S1PR3: variants seen among roughly 807,000 people sequenced by gnomAD.
S1PR3 encodes the protein sphingosine 1-phosphate receptor 3.
A neutral mutation model predicts 13.3 loss-of-function variants in S1PR3; 12 were observed. The ratio of observed to expected loss-of-function variants is 0.90; its 90% CI spans 0.58 to 1.46. The LOEUF (loss-of-function observed/expected upper bound fraction) is 1.46. Ranked by LOEUF, S1PR3 falls within the 40% of genes most tolerant of loss-of-function variation. The pLI is 0.00. For synonymous variants in S1PR3, 232 were observed against 214.0 expected, an observed-to-expected ratio of 1.08 and a Z score of -0.73; for missense variants, 450 against 501.9, an observed-to-expected ratio of 0.90 and a Z score of 0.99.
chr9:89,001,654 C>A lies in S1PR3; in HGVS notation c.454C>A (p.His152Asn), dbSNP rs1327902193. The change falls in exon 2 of 2, where the codon CAC (histidine) becomes AAC (asparagine). Residue 152 changes from histidine (H) to asparagine (N), a missense_variant. His to Asn is a moderately conservative substitution (Grantham distance 68). Coordinates refer to ENST00000358157, the MANE Select transcript of S1PR3 (RefSeq NM_005226.4). ...KMRPYDANKR[H>N]RVFLLIGMCW... ...GAGGCCTTACGACGCCAACAAGAGG[C>A]ACCGCGTCTTCCTCCTGATCGGGAT... 1.2e-6 allele frequency: 2 copies of A among 1,614,232 alleles called. No homozygotes were observed. The highest frequency in any genetic ancestry group is 1.7e-5 in the Admixed American group (1 of 60,032).
At chr9:88,990,949 G>A (rs367687242), upstream of S1PR3, 1 of 1,606,460 alleles carries the variant, frequency 6.2e-7, no homozygotes, top group Non-Finnish European at 8.5e-7. Context: ...CCGGCGCCAG[G>A]CGCCCACCTG....
At chr9:88,999,507 C>A (rs1475263020) in intron 1 of S1PR3, 1 of 152,192 alleles carries the variant, frequency 6.6e-6, no homozygotes, top group African/African-American at 2.4e-5. Context: ...TGGGAATAAA[C>A]TCATGCATGG....
In S1PR3 at chr9:89,003,721, A is replaced by G. The variant is rs1825898182; in HGVS notation, c.*1384A>G. The G allele has an allele frequency of 6.0e-6, 1 of 166,812 alleles. No homozygotes were observed. Among genetic ancestry groups the G allele is most frequent in the South Asian group, 2.1e-4 (1 of 4,830 alleles). 10.3% of individuals were successfully genotyped at this position (166,812 alleles called of 1,614,324 possible). On this transcript the variant is annotated 3_prime_UTR_variant, in exon 2 of 2. Coordinates refer to ENST00000358157, the MANE Select transcript of S1PR3 (RefSeq NM_005226.4). ...TTTAAAAACAAGGACAAAACCAACC[A>G]GCGTTCAAAGGAACCTCCCATCAGA...
intron 1 of S1PR3, chr9:88,998,633 G>A (rs1255876964): frequency 6.6e-6 from 1 of 152,246 alleles, no homozygotes; most frequent in Non-Finnish European, 1.5e-5. Flanking sequence ...CTCAGAAAAT[G>A]CTGCTGACTG....
chr9:89,002,307 A>G lies in S1PR3; in HGVS notation c.1107A>G (p.Ala369=), dbSNP rs372474959. ...APSSCIMDKN[A]ALQNGIFCN is the part of the protein sequence containing the mutation. ...CATCCTGCATCATGGACAAGAACGC[A>G]GCACTTCAGAATGGGATCTTCTGCA... The change falls in exon 2 of 2, where the codon GCA becomes GCG. Residue 369 remains alanine (A), a synonymous_variant. Coordinates refer to ENST00000358157, the MANE Select transcript of S1PR3 (RefSeq NM_005226.4). The G allele has an allele frequency of 3.2e-5, 52 of 1,613,986 alleles. No homozygotes were observed. Among genetic ancestry groups the G allele is most frequent in the Non-Finnish European group, 4.1e-5 (48 of 1,179,994 alleles).
At chr9:88,992,104 T>G in intron 1 of S1PR3, 1 of 1,464,484 alleles carries the variant, frequency 6.8e-7, no homozygotes, top group Non-Finnish European at 9.3e-7. Context: ...ATTAGTTTTT[T>G]CCTAACATTT....
At chr9:88,990,892 G>A (rs367693957), upstream of S1PR3, 534 of 1,440,768 alleles carry the variant, frequency 3.7e-4, 3 homozygotes, top group Middle Eastern at 4.8e-3. Flanking sequence ...GGCAGGCGCC[G>A]GAGGGGACCC....
In S1PR3 at chr9:89,002,604, A is replaced by C. The variant is rs1587668095; in HGVS notation, c.*267A>C. Reference sequence around the variant, plus strand: ...CACTGCCTTCTGCTGCATCCTAGACACCCTCCCTGTTGTTCACAGAGAGGG... The same window carrying C: ...CACTGCCTTCTGCTGCATCCTAGACCCCCTCCCTGTTGTTCACAGAGAGGG... On this transcript the variant is annotated 3_prime_UTR_variant, in exon 2 of 2. Coordinates refer to ENST00000358157, the MANE Select transcript of S1PR3 (RefSeq NM_005226.4). The C allele has an allele frequency of 1.4e-5, 7 of 509,112 alleles. No individual in the cohort carries two copies. The highest frequency in any genetic ancestry group is 2.8e-5 in the South Asian group (1 of 35,280). 31.5% of individuals were successfully genotyped at this position (509,112 alleles called of 1,614,324 possible).
Position 88,991,825 on chromosome 9 carries a change from C to G in S1PR3, c.-148+130C>G, listed in dbSNP as rs757080471. Reference sequence around the variant, plus strand: ...CTTGGGCGCGCCACGGCGGCCGGAGCGCTCCACATCAGCACCCCTCCCCCA... The same window carrying G: ...CTTGGGCGCGCCACGGCGGCCGGAGGGCTCCACATCAGCACCCCTCCCCCA... On this transcript the variant is annotated intron_variant, in intron 1 of 1. Transcript: ENST00000358157. This position sits in a 1 kb window ranked among gnomAD's most constrained non-coding sequence, Gnocchi z 4.0. The G allele has an allele frequency of 1.2e-6, 2 of 1,611,266 alleles. No individual in the cohort carries two copies. The highest frequency in any genetic ancestry group is 1.7e-6 in the Non-Finnish European group (2 of 1,178,742).
rs1825868121 is a variant in S1PR3, at chr9:89,001,596, C to T, written c.396C>T (p.Ile132=). 3 of 1,614,210 alleles carry T rather than the reference C, an allele frequency of 1.9e-6. No individual in the cohort carries two copies. Among genetic ancestry groups the T allele is most frequent in the Admixed American group, 1.7e-5 (1 of 60,030 alleles). The change falls in exon 2 of 2, where the codon ATC becomes ATT. Residue 132 remains isoleucine, a synonymous_variant. Transcript: ENST00000358157. The stretch of plus-strand genomic sequence containing the variant: ...CGTCCACCTGCAGCTTACTGGCCAT[C>T]GCCATCGAGCGGCACTTGACAATGA... The part of the protein sequence containing the change: ...LGASTCSLLA[I]AIERHLTMIK...
chr9:89,001,603 G>A lies in S1PR3; in HGVS notation c.403G>A (p.Glu135Lys). 6.2e-7 allele frequency: 1 copy of A among 1,614,224 alleles called. No homozygotes were observed. Residue 135 changes from glutamate to lysine, a missense_variant, in exon 2 of 2, where the codon GAG (glutamate) becomes AAG (lysine). Physicochemically the swap from Glu to Lys is moderately conservative, Grantham distance 56. Coordinates refer to ENST00000358157, the MANE Select transcript of S1PR3 (RefSeq NM_005226.4). The stretch of plus-strand genomic sequence containing the variant: ...CTGCAGCTTACTGGCCATCGCCATC[G>A]AGCGGCACTTGACAATGATCAAAAT... ...STCSLLAIAI[E>K]RHLTMIKMRP...
chr9:88,997,825 T>C (rs764164754), intron 1 of S1PR3: 3 of 152,406 alleles, frequency 2.0e-5, no homozygotes, highest in Non-Finnish European at 4.4e-5. Flanking sequence ...GGTCATCCAT[T>C]TGGCAGCATG....
intron 1 of S1PR3, chr9:88,993,903 G>A (rs1825763502): frequency 1.3e-5 from 2 of 153,482 alleles, no homozygotes; most frequent in African/African-American, 2.4e-5. Context: ...GCCGGACTGG[G>A]GTCAGCTCAC....
Position 89,002,653 on chromosome 9 carries a change from G to T in S1PR3, c.*316G>T. On this transcript the variant is annotated 3_prime_UTR_variant, in exon 2 of 2. Transcript: ENST00000358157. The stretch of plus-strand genomic sequence containing the variant: ...GGAAGGTCGTGGGCCACACAATGCT[G>T]TGTGACCCTCTCCGTGTGCCTCTGA... 2.4e-6 allele frequency: 1 copy of T among 410,436 alleles called. No homozygotes were observed. The highest frequency in any genetic ancestry group is 4.6e-6 in the Non-Finnish European group (1 of 216,414). The allele number at this position is 410,436 out of a possible 1,614,324, so 25.4% of individuals were successfully genotyped here. A position where few individuals can be genotyped will look rare whatever the true frequency, so the allele number is the denominator to read the frequency against.
rs1416618114 is a variant in S1PR3 at position 88,991,679 on chromosome 9, G to A, written c.-164G>A. The A allele has an allele frequency of 2.0e-6, 3 of 1,519,288 alleles. No homozygotes were observed. The highest frequency in any genetic ancestry group is 1.3e-5 in the South Asian group (1 of 79,130). 94.1% of individuals were successfully genotyped at this position (1,519,288 alleles called of 1,614,324 possible). The stretch of plus-strand genomic sequence containing the variant: ...CCGCTAGGATGCCGGTGGCCCCAGC[G>A]CCCTCAGCCGACGGAGGTGAGAGGC... On this transcript the variant is annotated 5_prime_UTR_variant, in exon 1 of 2. Transcript: ENST00000358157. This position sits in a 1 kb window ranked among gnomAD's most constrained non-coding sequence, Gnocchi z 4.0.
In S1PR3 at chr9:89,002,456, C is replaced by G; in HGVS notation, c.*119C>G. On this transcript the variant is annotated 3_prime_UTR_variant, in exon 2 of 2. Transcript: ENST00000358157. ...TACCTTACTTTGACCAACAGCCTGCCCAGTGTGGATGTCTCTTACAGAGGG... is the reference window on the plus strand; with the variant it reads ...TACCTTACTTTGACCAACAGCCTGCGCAGTGTGGATGTCTCTTACAGAGGG... 1.6e-6 allele frequency: 2 copies of G among 1,234,574 alleles called. No homozygotes were observed. The highest frequency in any genetic ancestry group is 1.5e-5 in the South Asian group (1 of 67,710). The allele number at this position is 1,234,574 out of a possible 1,614,324, so 76.5% of individuals were successfully genotyped here.
intron 1 of S1PR3, chr9:88,997,331 T>A (rs948604454): frequency 2.6e-5 from 4 of 152,234 alleles, no homozygotes; most frequent in African/African-American, 9.6e-5. Context: ...TTGCTTGTTT[T>A]CTGCTCTGAT....
intron 1 of S1PR3, chr9:89,000,809 C>T (rs376322711): frequency 4.1e-5 from 10 of 242,000 alleles, no homozygotes; most frequent in African/African-American, 1.1e-4. Flanking sequence ...ATCTTTGTTA[C>T]AGGATTCAAT....
At chr9:88,993,252 T>C (rs1020920338) in intron 1 of S1PR3, 1 of 152,666 alleles carries the variant, frequency 6.6e-6, no homozygotes, top group Non-Finnish European at 1.5e-5. Flanking sequence ...TTAACTTGAT[T>C]TCATGGTATC....
Sources: allele counts gnomAD v4.1 joint callset, GRCh38; gene constraint gnomAD v4.1.1; non-coding constraint Gnocchi (gnomAD v3.1); transcripts MANE v1.5; gene names NCBI Gene and HGNC (gene_info 2026-07-23, HGNC 2026-07-21).